DENND5B: variants seen among roughly 807,000 people sequenced by gnomAD.
DENND5B encodes the protein DENN domain-containing protein 5B.
Under a neutral mutation model 140.6 loss-of-function variants are expected in DENND5B, and 34 were observed. The observed-to-expected ratio is 0.24, with a 90% CI of 0.18 to 0.32. The LOEUF (loss-of-function observed/expected upper bound fraction) is 0.32, where lower values mean the gene tolerates loss of function less well. DENND5B is among the 10% of genes least tolerant of loss of function. DENND5B has a pLI of 1.00. For missense variants in DENND5B, 1,142 were observed against 1,560.2 expected (o/e 0.73, Z 4.52); for synonymous variants, 551 against 562.1 (o/e 0.98, Z 0.28).
chr12:31,451,936 T>C lies in DENND5B; in HGVS notation c.1629+4A>G, dbSNP rs1944548575. ...CACAAAAGGAAAACTATGGTTCTTT[T>C]TACTTTGTCAAAGTTCTGCATCTGT... On this transcript the variant is annotated splice_donor_region_variant and intron_variant, in intron 5 of 20. Coordinates refer to ENST00000389082, the MANE Select transcript of DENND5B (RefSeq NM_144973.4). 6.2e-7 allele frequency: 1 copy of C among 1,612,982 alleles called. No homozygotes were observed. Among genetic ancestry groups the C allele is most frequent in the African/African-American group, 1.3e-5 (1 of 74,864 alleles).
At chr12:31,392,843 C>T in intron 17 of DENND5B, 147 bp from the exon 18 acceptor site, 1 of 710,396 alleles carries the variant, frequency 1.4e-6, no homozygotes, top group Non-Finnish European at 2.2e-6. Flanking sequence ...TGCCTCTGGC[C>T]TGTTTGGCCA....
intron 1 of DENND5B, chr12:31,535,372 C>G (rs1948450814): frequency 6.3e-6 from 1 of 158,960 alleles, no homozygotes; most frequent in South Asian, 1.9e-4. Context: ...CCCACCCCAC[C>G]TCCAGGTGAA....
At position 31,446,787 on chromosome 12, in the gene DENND5B, C is replaced by T. The variant is rs892459369; in HGVS notation, c.1861+751G>A. On this transcript the variant is annotated intron_variant, in intron 6 of 20. Coordinates refer to ENST00000389082, the MANE Select transcript of DENND5B (RefSeq NM_144973.4). ...GTGGGCGCCTATAGTCCCAGCTACT[C>T]GGGGCAGGAGAATGGCGTGAACCCG... is the stretch of plus-strand genomic sequence containing the variant. Among the ~76,000 whole-genome samples the T allele has an allele frequency of 8.6e-5, 13 of 150,756 alleles. No individual in the cohort carries two copies. In the East Asian group the frequency reaches 1.6e-3, roughly 18 times the overall value.
chr12:31,481,754 G>A (rs776819079), intron 2 of DENND5B, among the ~76,000 whole-genome samples: 33 of 152,236 alleles, frequency 2.2e-4, no homozygotes, highest in Non-Finnish European at 3.8e-4. Flanking sequence ...TGTTAGAACT[G>A]TGGGGAGGAC....
At chr12:31,563,550 T>C (rs952999652) in intron 1 of DENND5B, among the ~76,000 whole-genome samples, 2 of 152,222 alleles carry the variant, frequency 1.3e-5, no homozygotes, top group African/African-American at 4.8e-5. Context: ...CTCAAGTTAC[T>C]ATTCAGTGCA....
At chr12:31,515,952 G>C (rs563870021) in intron 1 of DENND5B, among the ~76,000 whole-genome samples, 1 of 152,234 alleles carries the variant, frequency 6.6e-6, no homozygotes, top group South Asian at 2.1e-4. Context: ...CAATGGAGAG[G>C]CTTTAGAGCA....
chr12:31,489,619 C>T (rs149444499), intron 2 of DENND5B, among the ~76,000 whole-genome samples: 14 of 152,290 alleles, frequency 9.2e-5, no homozygotes, highest in Admixed American at 4.6e-4. Flanking sequence ...ATCTACTATG[C>T]GCAAAGCTAG....
chr12:31,529,509 T>C (rs1948206891), intron 1 of DENND5B, among the ~76,000 whole-genome samples: 1 of 151,976 alleles, frequency 6.6e-6, no homozygotes, highest in African/African-American at 2.4e-5. Context: ...TTCCAAGTCC[T>C]ACCAAAATAA....
intron 13 of DENND5B, among the ~76,000 whole-genome samples, chr12:31,413,181 T>C (rs1410831010): frequency 2.0e-5 from 3 of 152,216 alleles, no homozygotes; most frequent in Admixed American, 2.0e-4. Context: ...CCTCCCAAAA[T>C]GTTAGGATTA....
intron 7 of DENND5B, among the ~76,000 whole-genome samples, chr12:31,434,226 A>G (rs1943641258): frequency 6.6e-6 from 1 of 152,158 alleles, no homozygotes; most frequent in Non-Finnish European, 1.5e-5. Flanking sequence ...AAGGCCTATA[A>G]AACTCTTAAA....
intron 1 of DENND5B, among the ~76,000 whole-genome samples, chr12:31,557,213 C>T (rs1052034777): frequency 2.6e-5 from 4 of 152,056 alleles, no homozygotes; most frequent in African/African-American, 7.2e-5. Context: ...GTTAATTATA[C>T]AGGCATAGAG....
At chr12:31,459,051 A>G (rs2138225177) in intron 4 of DENND5B, among the ~76,000 whole-genome samples, 1 of 152,184 alleles carries the variant, frequency 6.6e-6, no homozygotes, top group Non-Finnish European at 1.5e-5. Context: ...CGTCTCTACT[A>G]AAAATACAAA....
intron 2 of DENND5B, among the ~76,000 whole-genome samples, chr12:31,483,950 C>T (rs1240555660): frequency 1.3e-5 from 2 of 150,392 alleles, no homozygotes; most frequent in Admixed American, 6.6e-5. Flanking sequence ...CTGCAACCTC[C>T]GCCTCCCAGG....
chr12:31,421,591 C>T (rs987983545), intron 11 of DENND5B, among the ~76,000 whole-genome samples: 45 of 151,988 alleles, frequency 3.0e-4, no homozygotes, highest in Admixed American at 2.9e-3. Flanking sequence ...GCTCTGTTGC[C>T]CAGGCTGGCA....
At position 31,405,972 on chromosome 12, in the gene DENND5B, A is replaced by G. The variant is rs551633942; in HGVS notation, c.2803+3291T>C. On this transcript the variant is annotated intron_variant, in intron 14 of 20. Coordinates refer to ENST00000389082, the MANE Select transcript of DENND5B (RefSeq NM_144973.4). ...GCGATTCTCCTACCTCAGTCTCTGG[A>G]GTAGCTGGGATTACAGGTGTGCGCC... Among the ~76,000 whole-genome samples the G allele has an allele frequency of 4.6e-5, 7 of 152,028 alleles. No individual in the cohort carries two copies. The South Asian group carries it at 1.0e-3, about 23-fold the overall frequency.
At chr12:31,482,817 C>T (rs866739351) in intron 2 of DENND5B, among the ~76,000 whole-genome samples, 1 of 152,180 alleles carries the variant, frequency 6.6e-6, no homozygotes, top group Non-Finnish European at 1.5e-5. Context: ...TAATCTATTT[C>T]CCTTATAAGA....
At chr12:31,457,505 G>A (rs553839650) in intron 4 of DENND5B, among the ~76,000 whole-genome samples, 11 of 152,128 alleles carry the variant, frequency 7.2e-5, no homozygotes, top group African/African-American at 2.7e-4. Context: ...GACTTTTCAG[G>A]GAAAGGTGGA....
At chr12:31,404,155 G>A (rs961167770) in intron 14 of DENND5B, among the ~76,000 whole-genome samples, 1 of 151,790 alleles carries the variant, frequency 6.6e-6, no homozygotes, top group African/African-American at 2.4e-5. Flanking sequence ...AGCCAGGGAG[G>A]TCAAGGATGC....
chr12:31,426,969 T>A (rs548891172), intron 8 of DENND5B, among the ~76,000 whole-genome samples: 1 of 152,254 alleles, frequency 6.6e-6, no homozygotes, highest in Non-Finnish European at 1.5e-5. Flanking sequence ...ATGACTCAGG[T>A]GTTATCAACT....
Sources: allele counts gnomAD v4.1 joint callset (sites outside exome capture counted in the v4.1 genomes callset), GRCh38; gene constraint gnomAD v4.1.1; transcripts MANE v1.5; gene names NCBI Gene and HGNC (gene_info 2026-07-23, HGNC 2026-07-21).